EFCAB11: variants seen among roughly 807,000 people sequenced by gnomAD.
The protein encoded by EFCAB11 is EF-hand calcium binding domain 11.
A neutral mutation model predicts 23.0 loss-of-function variants in EFCAB11; 14 were observed. That is an observed-to-expected ratio of 0.61 (90% CI 0.40 to 0.95). EFCAB11 has a LOEUF of 0.95. Among genes scored for constraint, EFCAB11 ranks in the 40% least tolerant of loss-of-function variants. EFCAB11 has a pLI of 0.00. For missense variants in EFCAB11, 198 were observed against 195.8 expected (o/e 1.01, Z -0.07); for synonymous variants, 65 against 66.6 (o/e 0.98, Z 0.11).
intron 5 of EFCAB11, among the ~76,000 whole-genome samples, chr14:89,914,063 C>T (rs1889761541): frequency 1.3e-5 from 2 of 152,222 alleles, no homozygotes; most frequent in Admixed American, 6.5e-5. Context: ...CAACCCTGTG[C>T]TCCCTTCTCC....
rs142446406 is a variant in EFCAB11 at position 89,910,459 on chromosome 14, G to A, written c.410+21082C>T. ...CTAAAAATACAAAAATTTGCTGGGT[G>A]TGATGGCGGGCACCTGTAATCCTAG... On this transcript the variant is annotated intron_variant, in intron 5 of 5. Coordinates refer to ENST00000316738, the MANE Select transcript of EFCAB11 (RefSeq NM_145231.4). Among the ~76,000 whole-genome samples, 8 of 152,222 alleles carry A rather than the reference G, an allele frequency of 5.3e-5. No homozygotes were observed. In the East Asian group the frequency reaches 1.4e-3, roughly 26 times the overall value.
chr14:89,844,571 C>T (rs1268067568), intron 5 of EFCAB11, among the ~76,000 whole-genome samples: 3 of 152,192 alleles, frequency 2.0e-5, no homozygotes, highest in East Asian at 3.9e-4. Flanking sequence ...ATGCCTGTGA[C>T]AATGCTGCCT....
intron 3 of EFCAB11, among the ~76,000 whole-genome samples, chr14:89,933,374 G>A (rs1263956849): frequency 6.6e-6 from 1 of 152,108 alleles, no homozygotes; most frequent in African/African-American, 2.4e-5. Context: ...TATATAAAAA[G>A]AGTGGTTCAT....
intron 5 of EFCAB11, among the ~76,000 whole-genome samples, chr14:89,868,251 C>G (rs137867499): frequency 4.6e-4 from 70 of 152,324 alleles, no homozygotes; most frequent in African/African-American, 1.6e-3. Flanking sequence ...TCAAGAGAGA[C>G]TGGCAAGACC....
intron 5 of EFCAB11, among the ~76,000 whole-genome samples, chr14:89,874,796 GC>G (rs1354917547): frequency 6.6e-6 from 1 of 152,088 alleles, no homozygotes; most frequent in African/African-American, 2.4e-5. Flanking sequence ...GGAGGCTGAG[GC>G]AAGAGAATGG....
chr14:89,801,890 AGGCTGAGGCAGAAGAACT>A (rs1231291714), intron 5 of EFCAB11, among the ~76,000 whole-genome samples: 21 of 151,910 alleles, frequency 1.4e-4, no homozygotes, highest in Admixed American at 1.4e-3. Flanking sequence ...GCTACTGGGG[AGGCTGAGGCAGAAGAACT>A]GGTTGAAGCC....
At chr14:89,944,086 T>C (rs1049966057) in intron 3 of EFCAB11, among the ~76,000 whole-genome samples, 3 of 152,230 alleles carry the variant, frequency 2.0e-5, no homozygotes, top group African/African-American at 7.2e-5. Context: ...GAAAAGCCAC[T>C]GTATTAATCT....
intron 5 of EFCAB11, among the ~76,000 whole-genome samples, chr14:89,913,526 A>G (rs1889746448): frequency 6.6e-6 from 1 of 152,194 alleles, no homozygotes; most frequent in African/African-American, 2.4e-5. Flanking sequence ...CAGTTCTATG[A>G]TTCCGTAATC....
At chr14:89,843,627 G>C (rs1887340503) in intron 5 of EFCAB11, among the ~76,000 whole-genome samples, 1 of 152,138 alleles carries the variant, frequency 6.6e-6, no homozygotes, top group Non-Finnish European at 1.5e-5. Flanking sequence ...CTGCAGTGTA[G>C]AATTTGAAAA....
intron 5 of EFCAB11, among the ~76,000 whole-genome samples, chr14:89,846,231 T>A (rs1190114621): frequency 6.6e-6 from 1 of 152,200 alleles, no homozygotes; most frequent in Non-Finnish European, 1.5e-5. Flanking sequence ...AAGCTGTACA[T>A]CCTCTGGAAG....
chr14:89,820,960 G>C (rs1886497404), intron 5 of EFCAB11, among the ~76,000 whole-genome samples: 1 of 151,970 alleles, frequency 6.6e-6, no homozygotes, highest in African/African-American at 2.4e-5. Context: ...TTGTCACACA[G>C]GCTGGAAGGC....
chr14:89,943,828 A>AACAC (rs148204333), intron 3 of EFCAB11, among the ~76,000 whole-genome samples: 1,520 of 150,586 alleles, frequency 0.01, 14 homozygotes, highest in Middle Eastern at 0.017. Flanking sequence ...TCTCCAAATA[A>AACAC]ACACACACAC....
intron 5 of EFCAB11, chr14:89,924,612 T>C: frequency 6.5e-7 from 1 of 1,535,084 alleles, no homozygotes; most frequent in Non-Finnish European, 8.7e-7. Flanking sequence ...GCAGGCAAAG[T>C]CAAGAAAGAA....
chr14:89,906,791 T>C (rs1889514102), intron 5 of EFCAB11, among the ~76,000 whole-genome samples: 1 of 152,150 alleles, frequency 6.6e-6, no homozygotes, highest in South Asian at 2.1e-4. Flanking sequence ...CCCAAGTCAG[T>C]TTGAGAATTT....
chr14:89,874,141 C>T lies in EFCAB11; in HGVS notation c.410+57400G>A, dbSNP rs143914371. The stretch of plus-strand genomic sequence containing the variant: ...GTTCCCAAACCTCAGTTCTTGACTT[C>T]TGTGTACCCACAGGTCCAACACCAC... On this transcript the variant is annotated intron_variant, in intron 5 of 5. Transcript: ENST00000316738. Among the ~76,000 whole-genome samples, 190 of 152,370 alleles carry T rather than the reference C, an allele frequency of 1.2e-3. 1 individual carries two copies. Among genetic ancestry groups the T allele is most frequent in the Middle Eastern group, 3.4e-3 (1 of 294 alleles).
chr14:89,881,543 G>T (rs1266888292), intron 5 of EFCAB11, among the ~76,000 whole-genome samples: 1 of 142,894 alleles, frequency 7.0e-6, no homozygotes, highest in Non-Finnish European at 1.5e-5. Flanking sequence ...TGCCTCCCAG[G>T]TTCAAGTGAT....
intron 5 of EFCAB11, among the ~76,000 whole-genome samples, chr14:89,841,340 C>T (rs965714739): frequency 4.6e-5 from 7 of 151,940 alleles, no homozygotes; most frequent in African/African-American, 1.7e-4. Context: ...CTCTCTACTG[C>T]CTCCTTCCCA....
At chr14:89,879,682 G>A (rs1031138620) in intron 5 of EFCAB11, among the ~76,000 whole-genome samples, 1 of 152,112 alleles carries the variant, frequency 6.6e-6, no homozygotes, top group African/African-American at 2.4e-5. Context: ...TTAATTTGTA[G>A]GCTAATTTGC....
Position 89,796,759 on chromosome 14 carries a change from G to T in EFCAB11, c.*484C>A, listed in dbSNP as rs929282409. 6 of 153,246 alleles carry T rather than the reference G, an allele frequency of 3.9e-5. No homozygotes were observed. The highest frequency in any genetic ancestry group is 1.4e-4 in the African/African-American group (6 of 41,576). The allele number at this position is 153,246 out of a possible 1,614,324, so 9.5% of individuals were successfully genotyped here. The stretch of plus-strand genomic sequence containing the variant: ...GGCAGGAAAAGTCTGCCCCTCTGCA[G>T]ATATTAGGAGATGATGAGATTCAGG... On this transcript the variant is annotated 3_prime_UTR_variant, in exon 6 of 6. Transcript: ENST00000316738.
Sources: allele counts gnomAD v4.1 joint callset (sites outside exome capture counted in the v4.1 genomes callset), GRCh38; gene constraint gnomAD v4.1.1; transcripts MANE v1.5; gene names NCBI Gene and HGNC (gene_info 2026-07-23, HGNC 2026-07-21).